The following IQSEC1 variants were observed in gnomAD, a reference collection of about 807,000 sequenced individuals.
The protein encoded by IQSEC1 is IQ motif and Sec7 domain ArfGEF 1.
IQSEC1 carries 31 observed loss-of-function variants against 91.0 expected under a neutral mutation model. That is an observed-to-expected ratio of 0.34 (90% CI 0.26 to 0.46). The LOEUF (loss-of-function observed/expected upper bound fraction) is 0.46. Ranked by LOEUF, IQSEC1 falls within the 20% of genes least tolerant of loss-of-function variation. The pLI, the probability that IQSEC1 is intolerant of heterozygous loss-of-function variation, is 1.00. For missense variants in IQSEC1, 1,388 were observed against 1,575.6 expected, an observed-to-expected ratio of 0.88 and a Z score of 2.02; for synonymous variants, 699 against 662.6, an observed-to-expected ratio of 1.05 and a Z score of -0.84.
chr3:13,042,300 C>CA (rs1704304846), intron 1 of IQSEC1: 1 of 152,298 alleles, frequency 6.6e-6, no homozygotes. Flanking sequence ...TTGTAGGCTC[C>CA]ATGCAGGGGC....
rs1382519007 is a variant in IQSEC1 at position 13,103,133 on chromosome 3, C to T, written c.303-55611G>A. Reference sequence around the variant, plus strand: ...GGGCCCCAGGGCTCTGCCCCAGCCCCTCCCTGGCCCATGTCCCCGGCTGGC... The same window carrying T: ...GGGCCCCAGGGCTCTGCCCCAGCCCTTCCCTGGCCCATGTCCCCGGCTGGC... On this transcript the variant is annotated intron_variant, in intron 2 of 15. Transcript: ENST00000648114. This position sits in a 1 kb window ranked among gnomAD's most constrained non-coding sequence, Gnocchi z 4.1. Among the ~76,000 whole-genome samples, 1 of 152,086 alleles carries T rather than the reference C, an allele frequency of 6.6e-6. No individual in the cohort carries two copies. The highest frequency in any genetic ancestry group is 1.5e-5 in the Non-Finnish European group (1 of 68,010).
intron 2 of IQSEC1, among the ~76,000 whole-genome samples, chr3:13,107,596 C>G (rs1325446385): frequency 6.6e-6 from 1 of 152,218 alleles, no homozygotes; most frequent in Non-Finnish European, 1.5e-5. Flanking sequence ...CAAGAAGAGG[C>G]TTTGCTCAGC....
At position 12,900,588 on chromosome 3, in the gene IQSEC1, GT is replaced by G; in HGVS notation, c.*394del. ...AATAATGCAGCAAGTTTTGGGGTTT[GT>G]TTTGTCTGTTTTTGTATCTCATTTC... On this transcript the variant is annotated 3_prime_UTR_variant, in exon 14 of 14. Coordinates refer to ENST00000613206, the MANE Select transcript of IQSEC1 (RefSeq NM_001134382.3). 1 of 1,022,478 alleles carries G rather than the reference GT, an allele frequency of 9.8e-7. No individual in the cohort carries two copies. Among genetic ancestry groups the G allele is most frequent in the Non-Finnish European group, 1.2e-6 (1 of 853,066 alleles). 63.3% of individuals were successfully genotyped at this position (1,022,478 alleles called of 1,614,324 possible).
At chr3:12,920,662 G>A (rs1294300520) in intron 5 of IQSEC1, 66 bp from the exon 6 acceptor site, 5 of 1,519,584 alleles carry the variant, frequency 3.3e-6, no homozygotes, top group African/African-American at 1.4e-5. Context: ...TCTCTCACCC[G>A]CTGAGGCTGT....
At chr3:13,028,483 A>T (rs1167834707) in intron 1 of IQSEC1, among the ~76,000 whole-genome samples, 1 of 152,206 alleles carries the variant, frequency 6.6e-6, no homozygotes, top group Non-Finnish European at 1.5e-5. Flanking sequence ...ATCTGGGTAG[A>T]GGCTGTTTGG....
At chr3:13,159,477 A>C (rs1239032971) in intron 2 of IQSEC1, among the ~76,000 whole-genome samples, 1 of 152,172 alleles carries the variant, frequency 6.6e-6, no homozygotes, top group African/African-American at 2.4e-5. Flanking sequence ...TGAGTGAGGC[A>C]TGAAAGGGAT....
intron 1 of IQSEC1, chr3:12,960,267 C>T (rs1187937130): frequency 1.3e-5 from 2 of 152,202 alleles, no homozygotes; most frequent in African/African-American, 4.8e-5. Flanking sequence ...ATCTGAGGAT[C>T]GTTCTTAGCC....
chr3:12,909,315 A>T lies in IQSEC1; in HGVS notation c.2536T>A (p.Ser846Thr). The T allele has an allele frequency of 6.2e-7, 1 of 1,613,566 alleles. No homozygotes were observed. The highest frequency in any genetic ancestry group is 1.1e-5 in the South Asian group (1 of 91,040). Residue 846 changes from serine to threonine, a missense_variant, in exon 11 of 14, where the codon TCC becomes ACC. Ser to Thr is a moderately conservative substitution (Grantham distance 58). Transcript: ENST00000613206. This position sits in a 1 kb window ranked among gnomAD's most constrained non-coding sequence, Gnocchi z 4.9. ...TCCATCTCTTGGACTTCCGCAATGG[A>T]CTCCCGCAGGTCATCGGTGAATTTC... Reference protein sequence around the residue: ...RKKFTDDLRESIAEVQEMEKH... With the variant: ...RKKFTDDLRETIAEVQEMEKH...
chr3:13,025,319 C>T (rs1177230981), intron 1 of IQSEC1, among the ~76,000 whole-genome samples: 1 of 152,248 alleles, frequency 6.6e-6, no homozygotes, highest in Admixed American at 6.5e-5. Context: ...TCACACAGCC[C>T]GCTGGGGATG....
chr3:13,015,780 A>C, intron 1 of IQSEC1: 5 of 960,158 alleles, frequency 5.2e-6, no homozygotes, highest in Non-Finnish European at 6.2e-6. Flanking sequence ...TGCCCTCCAA[A>C]AGGCCCCCAG....
At chr3:12,912,713 G>C (rs369414748) in intron 9 of IQSEC1, among the ~76,000 whole-genome samples, 1 of 149,778 alleles carries the variant, frequency 6.7e-6, no homozygotes, top group South Asian at 2.1e-4. Context: ...GGGCATCTTT[G>C]GCAAGAAAGC....
intron 2 of IQSEC1, among the ~76,000 whole-genome samples, chr3:13,113,730 G>T (rs948746917): frequency 2.0e-5 from 3 of 152,212 alleles, no homozygotes; most frequent in African/African-American, 7.2e-5. Flanking sequence ...AGCGTGGGCC[G>T]CATGGCAGGG....
chr3:13,038,933 A>G (rs1704148425), intron 1 of IQSEC1, among the ~76,000 whole-genome samples: 1 of 152,266 alleles, frequency 6.6e-6, no homozygotes, highest in South Asian at 2.1e-4. Flanking sequence ...GGAAATCTAC[A>G]CACCAAACAA....
intron 2 of IQSEC1, among the ~76,000 whole-genome samples, chr3:13,144,467 C>T (rs1706854930): frequency 6.6e-6 from 1 of 152,234 alleles, no homozygotes; most frequent in Admixed American, 6.5e-5. Flanking sequence ...CCTCCCCACG[C>T]CTGTCCTGCC....
intron 1 of IQSEC1, among the ~76,000 whole-genome samples, chr3:13,223,624 T>A (rs1229919677): frequency 6.6e-6 from 1 of 152,152 alleles, no homozygotes; most frequent in Non-Finnish European, 1.5e-5. Flanking sequence ...ACCTTCCCCA[T>A]GCACCCATCA....
At chr3:13,213,322 G>A (rs1694479897) in intron 1 of IQSEC1, among the ~76,000 whole-genome samples, 1 of 152,186 alleles carries the variant, frequency 6.6e-6, no homozygotes, top group Admixed American at 6.5e-5. Context: ...AGCCATCTTG[G>A]CCCCCTGTGT....
intron 2 of IQSEC1, among the ~76,000 whole-genome samples, chr3:13,085,065 G>A (rs1220007256): frequency 2.0e-5 from 3 of 152,132 alleles, no homozygotes; most frequent in Admixed American, 6.5e-5. Flanking sequence ...TAGGACCCTC[G>A]AACAAAGAGG....
At chr3:12,928,731 A>G (rs1697380544) in intron 3 of IQSEC1, among the ~76,000 whole-genome samples, 1 of 152,146 alleles carries the variant, frequency 6.6e-6, no homozygotes, top group Admixed American at 6.5e-5. Context: ...GCCAAGCATC[A>G]CACAGGTCGA....
At chr3:13,245,399 C>G (rs1393523296) in intron 1 of IQSEC1, among the ~76,000 whole-genome samples, 1 of 152,200 alleles carries the variant, frequency 6.6e-6, no homozygotes, top group Non-Finnish European at 1.5e-5. Context: ...AGCCACTCAG[C>G]CAGTCTGGAT....
Sources: gnomAD v4.1 joint callset for allele counts (sites outside exome capture counted in the v4.1 genomes callset) on GRCh38, gnomAD v4.1.1 for gene constraint, Gnocchi (gnomAD v3.1) non-coding constraint, MANE v1.5 for transcripts, NCBI Gene and HGNC (gene_info 2026-07-23, HGNC 2026-07-21) for gene names.